Variants in ZBTB20 observed in about 807,000 individuals in gnomAD.
ZBTB20 encodes zinc finger and BTB domain-containing protein 20.
A neutral mutation model predicts 56.9 loss-of-function variants in ZBTB20; 9 were observed. The observed-to-expected ratio is 0.16, with a 90% CI of 0.10 to 0.28. The LOEUF is 0.28. ZBTB20 is among the 10% of genes least tolerant of loss of function. The pLI is 1.00. For missense variants in ZBTB20, 655 were observed against 1,003.0 expected (o/e 0.65, Z 4.69); for synonymous variants, 417 against 420.7 (o/e 0.99, Z 0.11).
At chr3:114,700,538 C>T (rs530773035) in intron 5 of ZBTB20, among the ~76,000 whole-genome samples, 23 of 152,208 alleles carry the variant, frequency 1.5e-4, no homozygotes, top group Admixed American at 3.3e-4. Flanking sequence ...ATCTCCAGAC[C>T]ACTCATTTTC....
At chr3:115,010,369 T>C (rs1166114396) in intron 2 of ZBTB20, among the ~76,000 whole-genome samples, 1 of 151,976 alleles carries the variant, frequency 6.6e-6, no homozygotes, top group Non-Finnish European at 1.5e-5. Context: ...ATAGTGGTGA[T>C]GGCCACAAGG....
At chr3:114,567,546 T>C (rs1014108035) in intron 6 of ZBTB20, among the ~76,000 whole-genome samples, 2 of 152,186 alleles carry the variant, frequency 1.3e-5, no homozygotes, top group African/African-American at 4.8e-5. Context: ...TTTTGCTACA[T>C]TGTCCTACAC....
At chr3:114,387,543 T>C (rs1280700971) in intron 8 of ZBTB20, 2 of 152,238 alleles carry the variant, frequency 1.3e-5, no homozygotes, top group Admixed American at 6.5e-5. Flanking sequence ...GCTCCTGATT[T>C]CTAGGTCTGG....
chr3:115,006,109 T>C (rs1159186015), intron 2 of ZBTB20, among the ~76,000 whole-genome samples: 4 of 151,744 alleles, frequency 2.6e-5, no homozygotes, highest in Non-Finnish European at 5.9e-5. Flanking sequence ...GATTTCTGCA[T>C]CACTGGATCC....
chr3:114,805,798 C>T (rs7650201), intron 4 of ZBTB20, among the ~76,000 whole-genome samples: 19,529 of 151,790 alleles, frequency 0.13, 1,563 homozygotes, highest in African/African-American at 0.22. Flanking sequence ...TTTTCTCTCT[C>T]TATAAATTTG....
intron 2 of ZBTB20, among the ~76,000 whole-genome samples, chr3:115,003,279 T>G (rs922664431): frequency 2.0e-5 from 3 of 151,566 alleles, no homozygotes; most frequent in Admixed American, 6.6e-5. Flanking sequence ...TGAACCCTAA[T>G]GTACTATAGT....
intron 6 of ZBTB20, among the ~76,000 whole-genome samples, chr3:114,595,413 T>G (rs2056228596): frequency 6.6e-6 from 1 of 152,212 alleles, no homozygotes; most frequent in South Asian, 2.1e-4. Flanking sequence ...CGTTAGACAT[T>G]TCTTTTCTCA....
chr3:114,522,814 G>A (rs115961587), intron 6 of ZBTB20, among the ~76,000 whole-genome samples: 1,848 of 152,278 alleles, frequency 0.012, 36 homozygotes, highest in African/African-American at 0.039. Context: ...CAATATTGGG[G>A]AGGCTATGTA....
At chr3:115,082,638 G>GAA (rs2082838745) in intron 1 of ZBTB20, among the ~76,000 whole-genome samples, 2 of 152,022 alleles carry the variant, frequency 1.3e-5, no homozygotes, top group South Asian at 4.1e-4. Flanking sequence ...TACTTAAGGT[G>GAA]AAAACAAGTT....
chr3:115,006,904 G>A (rs1232915412), intron 2 of ZBTB20, among the ~76,000 whole-genome samples: 3 of 151,284 alleles, frequency 2.0e-5, no homozygotes, highest in African/African-American at 7.3e-5. Context: ...AATCTTTTTA[G>A]TTTAACCTGA....
intron 4 of ZBTB20, among the ~76,000 whole-genome samples, chr3:114,826,921 T>A (rs994409994): frequency 1.3e-5 from 2 of 151,676 alleles, no homozygotes; most frequent in African/African-American, 4.8e-5. Context: ...TCTTGTAGGA[T>A]ATTGAACAAG....
intron 4 of ZBTB20, among the ~76,000 whole-genome samples, chr3:114,851,480 A>C (rs78705757): frequency 0.024 from 3,638 of 152,140 alleles, 53 homozygotes; most frequent in South Asian, 0.051. Context: ...ATTCATTATA[A>C]TCATTTTAAT....
chr3:114,496,861 G>C (rs2043335365), intron 7 of ZBTB20, among the ~76,000 whole-genome samples: 1 of 152,198 alleles, frequency 6.6e-6, no homozygotes, highest in Non-Finnish European at 1.5e-5. Context: ...ATTTTCAGGT[G>C]AAAGAAGAGA....
chr3:114,622,778 T>C (rs924099540), intron 6 of ZBTB20, among the ~76,000 whole-genome samples: 2 of 152,232 alleles, frequency 1.3e-5, no homozygotes, highest in Admixed American at 1.3e-4. Flanking sequence ...AAATCATCCA[T>C]TGCTAAAGCA....
At chr3:114,839,989 G>T (rs2074313724) in intron 4 of ZBTB20, among the ~76,000 whole-genome samples, 1 of 152,112 alleles carries the variant, frequency 6.6e-6, no homozygotes, top group Non-Finnish European at 1.5e-5. Flanking sequence ...TCAAGTTTGT[G>T]CTAATTTCTA....
chr3:114,386,229 A>G (rs1400585539), intron 8 of ZBTB20, among the ~76,000 whole-genome samples: 1 of 152,186 alleles, frequency 6.6e-6, no homozygotes, highest in Non-Finnish European at 1.5e-5. Context: ...CCTCACATCA[A>G]TTTAAGATAT....
intron 5 of ZBTB20, among the ~76,000 whole-genome samples, chr3:114,796,469 G>A (rs1028346616): frequency 5.3e-5 from 8 of 151,932 alleles, no homozygotes; most frequent in African/African-American, 1.9e-4. Context: ...TCTGAACAAA[G>A]GCGACATAAT....
chr3:114,844,520 C>CAAAAAGAA (rs2074565508), intron 4 of ZBTB20, among the ~76,000 whole-genome samples: 1 of 22,804 alleles, frequency 4.4e-5, no homozygotes, highest in Non-Finnish European at 6.5e-5. Flanking sequence ...GTCCCTGTCT[C>CAAAAAGAA]AAAAAAAAAA....
rs1363205044 is a variant in ZBTB20, at chr3:114,329,435, A to G, written c.*9570T>C. On this transcript the variant is annotated 3_prime_UTR_variant, in exon 12 of 12. Coordinates refer to ENST00000675478, the MANE Select transcript of ZBTB20 (RefSeq NM_001348800.3). ...GGGTTGAATAGCTGAGGGAAGCTGAAGACTCTTATCTGAAAATATGATCTG... is the reference window on the plus strand; with the variant it reads ...GGGTTGAATAGCTGAGGGAAGCTGAGGACTCTTATCTGAAAATATGATCTG... The G allele has an allele frequency of 6.6e-6, 1 of 152,142 alleles. No individual in the cohort carries two copies. Among genetic ancestry groups the G allele is most frequent in the African/African-American group, 2.4e-5 (1 of 41,444 alleles). 9.4% of individuals were successfully genotyped at this position (152,142 alleles called of 1,614,324 possible).
Sources: gnomAD v4.1 joint callset for allele counts (sites outside exome capture counted in the v4.1 genomes callset) on GRCh38, gnomAD v4.1.1 for gene constraint, MANE v1.5 for transcripts, NCBI Gene and HGNC (gene_info 2026-07-23, HGNC 2026-07-21) for gene names.